DENND6A: variants seen among roughly 807,000 people sequenced by gnomAD.
DENND6A encodes DENN domain containing 6A.
A neutral mutation model predicts 95.5 loss-of-function variants in DENND6A; 43 were observed. The observed-to-expected ratio is 0.45, with a 90% confidence interval of 0.35 to 0.58. The LOEUF is 0.58. Ranked by LOEUF, DENND6A falls within the 20% of genes least tolerant of loss-of-function variation. The pLI is 0.00. For synonymous variants in DENND6A, 257 were observed against 260.4 expected (o/e 0.99, Z 0.13); for missense variants, 574 against 736.0 (o/e 0.78, Z 2.55).
chr3:57,645,838 C>T lies in DENND6A; in HGVS notation c.942-82G>A, dbSNP rs938760516. The T allele has an allele frequency of 4.0e-5, 39 of 963,796 alleles. No individual in the cohort carries two copies. The Admixed American group carries it at 5.9e-4, about 14-fold the overall frequency. The allele number at this position is 963,796 out of a possible 1,614,324, so 59.7% of individuals were successfully genotyped here. A position where few individuals can be genotyped will look rare whatever the true frequency, so the allele number is the denominator to read the frequency against. Reference sequence around the variant, plus strand: ...TATAACTAGAAAACATCTATACAAACGGTATACACACAAAGGGATACTTTG... The same window carrying T: ...TATAACTAGAAAACATCTATACAAATGGTATACACACAAAGGGATACTTTG... On this transcript the variant is annotated intron_variant, in intron 10 of 19. Coordinates refer to ENST00000311128, the MANE Select transcript of DENND6A (RefSeq NM_152678.3).
At chr3:57,667,524 C>T (rs914938302) in intron 3 of DENND6A, among the ~76,000 whole-genome samples, 2 of 152,046 alleles carry the variant, frequency 1.3e-5, no homozygotes, top group South Asian at 2.1e-4. Flanking sequence ...AAGACTAAGA[C>T]AAAACGTGAA....
intron 14 of DENND6A, 96 bp downstream of exon 14, chr3:57,634,462 T>A: frequency 9.3e-6 from 5 of 536,108 alleles, no homozygotes; most frequent in African/African-American, 2.0e-5. Context: ...GGAGAGATCC[T>A]ATTTCACATT....
intron 1 of DENND6A, among the ~76,000 whole-genome samples, chr3:57,688,688 A>AAAAAAC: frequency 6.6e-6 from 1 of 151,846 alleles, no homozygotes; most frequent in Non-Finnish European, 1.5e-5. Flanking sequence ...AAAGACAAAA[A>AAAAAAC]AAAACACACA....
intron 11 of DENND6A, among the ~76,000 whole-genome samples, chr3:57,643,754 G>T (rs1275012687): frequency 6.6e-6 from 1 of 150,836 alleles, no homozygotes; most frequent in East Asian, 1.9e-4. Flanking sequence ...TTGAACCCAG[G>T]AGGTGAAGTT....
In DENND6A at chr3:57,646,451, G is replaced by A. The variant is rs757927627; in HGVS notation, c.819-13C>T. ...TGGGCAGAAACACCTGAAAGGTGAT[G>A]CACAGTAGAAATACTTTTTAATGTA... is the stretch of plus-strand genomic sequence containing the variant. On this transcript the variant is annotated splice_polypyrimidine_tract_variant and intron_variant, in intron 9 of 19. Transcript: ENST00000311128. The A allele has an allele frequency of 4.4e-6, 7 of 1,600,214 alleles. No individual in the cohort carries two copies. Among genetic ancestry groups the A allele is most frequent in the Non-Finnish European group, 5.1e-6 (6 of 1,175,842 alleles).
chr3:57,651,281 T>G (rs1465811149), intron 9 of DENND6A, among the ~76,000 whole-genome samples: 1 of 152,182 alleles, frequency 6.6e-6, no homozygotes, highest in East Asian at 1.9e-4. Flanking sequence ...ACTTTCAACT[T>G]ACAATTTGCA....
chr3:57,641,800 T>G, intron 11 of DENND6A, 53 bp from the exon 12 acceptor site: 1 of 1,390,640 alleles, frequency 7.2e-7, no homozygotes, highest in Non-Finnish European at 1.0e-6. Context: ...AGATGAATGC[T>G]AAATCAGTGA....
chr3:57,646,381 C>G lies in DENND6A; in HGVS notation c.876G>C (p.Gly292=). 6.2e-7 allele frequency: 1 copy of G among 1,614,078 alleles called. No individual in the cohort carries two copies. Among genetic ancestry groups the G allele is most frequent in the African/African-American group, 1.3e-5 (1 of 75,046 alleles). Residue 292 remains glycine, a synonymous_variant, in exon 10 of 20, where the codon GGG becomes GGC. Coordinates refer to ENST00000311128, the MANE Select transcript of DENND6A (RefSeq NM_152678.3). ...ATGGCGCCATAACCACAAGGGGCTC[C>G]CCCAACAGCACCAGCTCCCAGAGCA... ...SQMLWELVLL[G]EPLVVMAPSP...
At chr3:57,658,553 G>C (rs1168275244) in intron 8 of DENND6A, among the ~76,000 whole-genome samples, 1 of 152,102 alleles carries the variant, frequency 6.6e-6, no homozygotes, top group African/African-American at 2.4e-5. Context: ...TAATCCAATA[G>C]TAAATCAGAT....
chr3:57,629,083 G>A (rs2070600024), intron 18 of DENND6A, among the ~76,000 whole-genome samples, 198 bp from the exon 19 acceptor site: 1 of 152,184 alleles, frequency 6.6e-6, no homozygotes, highest in Admixed American at 6.5e-5. Context: ...GCATTAGCCA[G>A]AATAATTGTC....
chr3:57,672,886 TA>T (rs1559826947), intron 1 of DENND6A, among the ~76,000 whole-genome samples: 2 of 151,584 alleles, frequency 1.3e-5, no homozygotes, highest in Non-Finnish European at 2.9e-5. Flanking sequence ...GATGCACGGA[TA>T]AAGAAAATGC....
chr3:57,647,011 C>G (rs1477805869), intron 9 of DENND6A, among the ~76,000 whole-genome samples: 2 of 152,134 alleles, frequency 1.3e-5, no homozygotes, highest in Non-Finnish European at 2.9e-5. Context: ...GGACACAACT[C>G]TGCTAGTATG....
chr3:57,677,071 G>A (rs1190998423), intron 1 of DENND6A, among the ~76,000 whole-genome samples: 8 of 152,122 alleles, frequency 5.3e-5, no homozygotes, highest in Admixed American at 5.2e-4. Flanking sequence ...TGATCCACCC[G>A]CCTTGGCCTC....
chr3:57,657,543 T>C (rs1230618931), intron 9 of DENND6A, 137 bp downstream of exon 9: 12 of 571,242 alleles, frequency 2.1e-5, no homozygotes, highest in Admixed American at 1.0e-4. Flanking sequence ...GGATGAACCA[T>C]TGATTTATAA....
chr3:57,681,114 T>C (rs576593610), intron 1 of DENND6A, among the ~76,000 whole-genome samples: 21 of 152,264 alleles, frequency 1.4e-4, no homozygotes, highest in Admixed American at 1.4e-3. Flanking sequence ...TTATTCATAA[T>C]AGCCAAAAAG....
chr3:57,663,815 C>T (rs1299257543), intron 4 of DENND6A, 99 bp from the exon 5 acceptor site: 3 of 593,292 alleles, frequency 5.1e-6, no homozygotes, highest in Non-Finnish European at 8.0e-6. Context: ...ACATCAGGCT[C>T]CTTTATAAAC....
intron 14 of DENND6A, among the ~76,000 whole-genome samples, chr3:57,634,168 G>A (rs1449633933): frequency 6.6e-6 from 1 of 152,042 alleles, no homozygotes; most frequent in African/African-American, 2.4e-5. Flanking sequence ...CACGGTGGCT[G>A]ACGCCTGTAA....
intron 9 of DENND6A, among the ~76,000 whole-genome samples, chr3:57,655,810 G>GATT (rs1309162856): frequency 3.3e-5 from 5 of 152,114 alleles, no homozygotes; most frequent in Non-Finnish European, 7.4e-5. Context: ...GGATATGCAA[G>GATT]ATTACCACAA....
chr3:57,661,898 A>T (rs1366627890), intron 5 of DENND6A, among the ~76,000 whole-genome samples: 1 of 152,210 alleles, frequency 6.6e-6, no homozygotes, highest in East Asian at 1.9e-4. Flanking sequence ...TATTAAAGAA[A>T]GAGTAAATTT....
Sources: allele counts gnomAD v4.1 joint callset (sites outside exome capture counted in the v4.1 genomes callset), GRCh38; gene constraint gnomAD v4.1.1; transcripts MANE v1.5; gene names NCBI Gene and HGNC (gene_info 2026-07-23, HGNC 2026-07-21).